Variants in PCDH15 observed in about 807,000 individuals in gnomAD.
PCDH15 encodes protocadherin-15.
A neutral mutation model predicts 178.5 loss-of-function variants in PCDH15; 129 were observed. That is an observed-to-expected ratio of 0.72 (90% CI 0.63 to 0.84). The LOEUF (loss-of-function observed/expected upper bound fraction) is 0.84. PCDH15 is among the 40% of genes least tolerant of loss of function. PCDH15 has a pLI of 0.00. For missense variants in PCDH15, 2,230 were observed against 2,099.9 expected (o/e 1.06, Z -1.21); for synonymous variants, 800 against 732.0 (o/e 1.09, Z -1.50).
At chr10:54,734,135 A>C (rs1943765355) in intron 1 of PCDH15, among the ~76,000 whole-genome samples, 3 of 151,960 alleles carry the variant, frequency 2.0e-5, no homozygotes, top group African/African-American at 7.2e-5. Flanking sequence ...TGAAAAGACT[A>C]GTCAAAGATT....
chr10:55,442,867 T>C (rs1009364007), intron 2 of PCDH15, among the ~76,000 whole-genome samples: 4 of 152,010 alleles, frequency 2.6e-5, no homozygotes, highest in African/African-American at 4.8e-5. Context: ...TTAGTGATAA[T>C]TGTGTATCAC....
chr10:55,079,450 G>A (rs1391162843), intron 2 of PCDH15, among the ~76,000 whole-genome samples: 1 of 152,184 alleles, frequency 6.6e-6, no homozygotes, highest in Non-Finnish European at 1.5e-5. Context: ...GCTGGGAACA[G>A]ACATTGCAGG....
chr10:55,081,654 A>T (rs1842044808), intron 2 of PCDH15, among the ~76,000 whole-genome samples: 1 of 152,150 alleles, frequency 6.6e-6, no homozygotes, highest in Non-Finnish European at 1.5e-5. Context: ...TCGCTATGTG[A>T]GTTTACAAAG....
chr10:54,564,910 T>TA, intron 2 of PCDH15, among the ~76,000 whole-genome samples: 1 of 152,262 alleles, frequency 6.6e-6, no homozygotes, highest in East Asian at 1.9e-4. Flanking sequence ...TTCAAAAATA[T>TA]AAAAATACCT....
intron 2 of PCDH15, among the ~76,000 whole-genome samples, chr10:54,657,675 A>G (rs556174319): frequency 2.7e-4 from 41 of 152,306 alleles, no homozygotes; most frequent in African/African-American, 9.6e-4. Context: ...CATACACATC[A>G]TAACATAAAT....
intron 1 of PCDH15, among the ~76,000 whole-genome samples, chr10:55,311,033 G>A (rs1479915398): frequency 6.6e-6 from 1 of 152,130 alleles, no homozygotes; most frequent in East Asian, 1.9e-4. Context: ...AAAAATGATA[G>A]TGGTTTGTGA....
rs1589048563 is a variant in PCDH15 at position 54,364,442 on chromosome 10, A to G, written c.474+4678T>C. On this transcript the variant is annotated intron_variant, in intron 5 of 37. Transcript: ENST00000644397. ...AAACACATTCTGTATAATTTTAGCC[A>G]TGTGGGGGACATGTTGATACATCCG... 2.0e-5 allele frequency among the ~76,000 whole-genome samples: 3 copies of G among 152,150 alleles called. No individual in the cohort carries two copies. In the East Asian group the frequency reaches 5.8e-4, roughly 29 times the overall value.
chr10:55,400,072 C>A (rs1367271548), intron 2 of PCDH15, among the ~76,000 whole-genome samples: 2 of 152,072 alleles, frequency 1.3e-5, no homozygotes, highest in Non-Finnish European at 2.9e-5. Flanking sequence ...ATCTTTAAAA[C>A]TTCAGCAAAT....
chr10:54,021,738 C>T (rs151302513), intron 19 of PCDH15, among the ~76,000 whole-genome samples: 31 of 151,976 alleles, frequency 2.0e-4, no homozygotes, highest in Non-Finnish European at 3.1e-4. Context: ...TGAGGACCTA[C>T]GTTTTAACTA....
intron 1 of PCDH15, among the ~76,000 whole-genome samples, chr10:55,269,407 A>C (rs1394220488): frequency 1.3e-5 from 2 of 152,156 alleles, no homozygotes; most frequent in Non-Finnish European, 1.5e-5. Flanking sequence ...AAATGCTGCT[A>C]GAATGGATAA....
intron 1 of PCDH15, among the ~76,000 whole-genome samples, chr10:55,223,030 C>T (rs1420095467): frequency 1.3e-5 from 2 of 152,022 alleles, no homozygotes; most frequent in Non-Finnish European, 2.9e-5. Flanking sequence ...CCCCACAGTG[C>T]TTTCTGCAAT....
At chr10:55,385,722 T>TATGC (rs1554860567) in intron 2 of PCDH15, among the ~76,000 whole-genome samples, 1 of 143,332 alleles carries the variant, frequency 7.0e-6, no homozygotes, top group Non-Finnish European at 1.5e-5. Context: ...TATATATGCA[T>TATGC]ATATATATAC....
intron 8 of PCDH15, among the ~76,000 whole-genome samples, chr10:54,240,027 T>C (rs78083104): frequency 0.055 from 8,302 of 152,202 alleles, 561 homozygotes; most frequent in African/African-American, 0.17. Flanking sequence ...ATATGTAGCA[T>C]TGAAGTCAGA....
At chr10:54,555,869 G>A (rs1015243827) in intron 2 of PCDH15, among the ~76,000 whole-genome samples, 1 of 151,886 alleles carries the variant, frequency 6.6e-6, no homozygotes, top group African/African-American at 2.4e-5. Flanking sequence ...AACTCAAATT[G>A]AAGATCTACT....
chr10:54,707,611 AC>A (rs1411327187), intron 1 of PCDH15, among the ~76,000 whole-genome samples: 7 of 152,206 alleles, frequency 4.6e-5, no homozygotes, highest in African/African-American at 1.7e-4. Flanking sequence ...AGCCTATCTG[AC>A]TTTTTGAAGC....
chr10:55,233,237 T>A (rs1267539951), intron 1 of PCDH15, among the ~76,000 whole-genome samples: 1 of 152,096 alleles, frequency 6.6e-6, no homozygotes, highest in Non-Finnish European at 1.5e-5. Flanking sequence ...TCAATAACTT[T>A]CACGTTTCTC....
chr10:55,249,866 G>A (rs997275433), intron 1 of PCDH15, among the ~76,000 whole-genome samples: 1 of 151,734 alleles, frequency 6.6e-6, no homozygotes, highest in Non-Finnish European at 1.5e-5. Flanking sequence ...TAATTTAAAA[G>A]AAAGTGCAGA....
intron 2 of PCDH15, among the ~76,000 whole-genome samples, chr10:55,555,911 C>T (rs1229403109): frequency 2.6e-5 from 4 of 152,140 alleles, no homozygotes; most frequent in Non-Finnish European, 5.9e-5. Flanking sequence ...TGCCTGACAT[C>T]ATCCAAAGAA....
chr10:54,384,002 T>C, intron 3 of PCDH15, among the ~76,000 whole-genome samples: 1 of 148,460 alleles, frequency 6.7e-6, no homozygotes, highest in South Asian at 2.1e-4. Flanking sequence ...TTTTTTTTTT[T>C]TTTTTTTTTT....
Sources: gnomAD v4.1 joint callset for allele counts (sites outside exome capture counted in the v4.1 genomes callset) on GRCh38, gnomAD v4.1.1 for gene constraint, MANE v1.5 for transcripts, NCBI Gene and HGNC (gene_info 2026-07-23, HGNC 2026-07-21) for gene names.